The following TENM3 variants were observed in gnomAD, a reference collection of about 807,000 sequenced individuals.
TENM3 encodes teneurin-3.
In TENM3, 63 loss-of-function variants were observed where a neutral mutation model predicts 255.1. The ratio of observed to expected loss-of-function variants is 0.25; its 90% CI spans 0.20 to 0.30. TENM3 has a LOEUF of 0.30. TENM3 is among the 10% of genes least tolerant of loss of function. TENM3 has a pLI of 1.00. For missense variants in TENM3, 2,929 were observed against 3,461.1 expected (o/e 0.85, Z 3.86); for synonymous variants, 1,306 against 1,322.3 (o/e 0.99, Z 0.27).
chr4:181,881,571 G>T, the TENM3 span, among the ~76,000 whole-genome samples: 1 of 152,166 alleles, frequency 6.6e-6, no homozygotes, highest in East Asian at 1.9e-4. Context: ...ATATATTCGA[G>T]ATCTTGAAAT....
the TENM3 span, among the ~76,000 whole-genome samples, chr4:181,927,101 C>G: frequency 2.0e-5 from 3 of 152,174 alleles, no homozygotes; most frequent in African/African-American, 7.2e-5. Flanking sequence ...GGGCAGACAC[C>G]AAGCTAGCTG....
At chr4:181,523,140 C>T in the TENM3 span, 1 of 383,164 alleles carries the variant, frequency 2.6e-6, no homozygotes, top group Non-Finnish European at 5.1e-6. Flanking sequence ...ACTAGTGAAG[C>T]CTGTACTCAA....
intron 3 of TENM3, among the ~76,000 whole-genome samples, chr4:182,420,415 C>T (rs760632961): frequency 8.5e-5 from 13 of 152,196 alleles, no homozygotes; most frequent in Non-Finnish European, 1.8e-4. Context: ...TCAGTCACCA[C>T]ACACACACGA....
the TENM3 span, among the ~76,000 whole-genome samples, chr4:181,974,541 C>A: frequency 6.6e-6 from 1 of 152,070 alleles, no homozygotes; most frequent in African/African-American, 2.4e-5. Context: ...GCACTCCAGC[C>A]TGGGCAACAG....
At chr4:182,107,371 G>A in the TENM3 span, among the ~76,000 whole-genome samples, 8 of 152,178 alleles carry the variant, frequency 5.3e-5, no homozygotes, top group Non-Finnish European at 7.3e-5. Context: ...TTTACGCCCC[G>A]GGTGTCACAT....
the TENM3 span, among the ~76,000 whole-genome samples, chr4:181,698,323 A>G: frequency 6.6e-6 from 1 of 152,178 alleles, no homozygotes; most frequent in Non-Finnish European, 1.5e-5. Flanking sequence ...GCAAAAGACT[A>G]TTAACATCTG....
chr4:181,477,998 A>G, the TENM3 span, among the ~76,000 whole-genome samples: 33 of 152,246 alleles, frequency 2.2e-4, no homozygotes, highest in African/African-American at 7.5e-4. Flanking sequence ...TTGCTTGTGT[A>G]CATGAGAAAT....
chr4:181,544,408 TAAAAAAAAAAAAAA>T, the TENM3 span, among the ~76,000 whole-genome samples: 4 of 68,674 alleles, frequency 5.8e-5, no homozygotes, highest in African/African-American at 1.1e-4. Flanking sequence ...CCTTCAGGAT[TAAAAAAAAAAAAAA>T]AAAAAAAAAA....
At chr4:181,579,250 C>T in the TENM3 span, among the ~76,000 whole-genome samples, 3 of 151,788 alleles carry the variant, frequency 2.0e-5, no homozygotes, top group African/African-American at 7.3e-5. Flanking sequence ...ATCAGGGTGC[C>T]CTCACCCCTC....
At chr4:182,057,104 C>T in the TENM3 span, among the ~76,000 whole-genome samples, 6 of 151,698 alleles carry the variant, frequency 4.0e-5, no homozygotes, top group South Asian at 2.1e-4. Context: ...CACCTGAAAA[C>T]GCTCAGATGC....
chr4:182,799,809 G>A lies in TENM3; in HGVS notation c.7558G>A (p.Asp2520Asn). 2.5e-6 allele frequency: 4 copies of A among 1,608,452 alleles called. No homozygotes were observed. The highest frequency in any genetic ancestry group is 3.4e-6 in the Non-Finnish European group (4 of 1,177,758). Residue 2520 changes from aspartate to asparagine, a missense_variant, in exon 28 of 28, where the codon GAC becomes AAC. Coordinates refer to ENST00000511685, the MANE Select transcript of TENM3 (RefSeq NM_001080477.4). The surrounding 1 kb of genome is among the most constrained non-coding windows in gnomAD (Gnocchi z 4.2). ...CAACGTGCTCAACATCGCCAACGAG[G>A]ACTGCATCAAGGTGGCGGCCGTGCT... ...QTNVLNIANE[D>N]CIKVAAVLNN... is the part of the protein sequence containing the mutation.
chr4:181,852,032 C>G, the TENM3 span, among the ~76,000 whole-genome samples: 2 of 152,160 alleles, frequency 1.3e-5, no homozygotes, highest in East Asian at 1.9e-4. Context: ...TCTTTCTGAC[C>G]AAACCAAAAG....
At chr4:182,348,668 T>TA (rs1316862169) in intron 3 of TENM3, among the ~76,000 whole-genome samples, 3 of 152,196 alleles carry the variant, frequency 2.0e-5, no homozygotes, top group Non-Finnish European at 4.4e-5. Flanking sequence ...CCTTTCTCTC[T>TA]AATAACAAAG....
At chr4:182,239,029 C>A (rs866470606), upstream of TENM3, among the ~76,000 whole-genome samples, 1,776 of 125,428 alleles carry the variant, frequency 0.014, 34 homozygotes, top group African/African-American at 0.049. Context: ...CTTTAAAAAT[C>A]TTTATGTGTG....
intron 3 of TENM3, among the ~76,000 whole-genome samples, chr4:182,510,510 T>A (rs1737287234): frequency 6.6e-6 from 1 of 152,198 alleles, no homozygotes; most frequent in Non-Finnish European, 1.5e-5. Context: ...ATTTTCTAGT[T>A]ATTCCAGTTC....
chr4:181,969,739 A>G, the TENM3 span, among the ~76,000 whole-genome samples: 21 of 152,354 alleles, frequency 1.4e-4, no homozygotes, highest in Non-Finnish European at 1.8e-4. Flanking sequence ...CACCAAACTG[A>G]ATAAGGTGCT....
chr4:182,307,973 G>C (rs1312238860), intron 1 of TENM3, among the ~76,000 whole-genome samples: 2 of 152,246 alleles, frequency 1.3e-5, no homozygotes, highest in Non-Finnish European at 2.9e-5. Context: ...TTTGTGGTCA[G>C]GAAGAGCTTT....
chr4:181,579,933 AATTTT>A, the TENM3 span, among the ~76,000 whole-genome samples: 24,087 of 125,690 alleles, frequency 0.19, 2,680 homozygotes, highest in Non-Finnish European at 0.24. Flanking sequence ...AAGTACCTAC[AATTTT>A]ATTTTATTTT....
At chr4:182,127,697 GGA>G in the TENM3 span, among the ~76,000 whole-genome samples, 1 of 152,158 alleles carries the variant, frequency 6.6e-6, no homozygotes, top group Non-Finnish European at 1.5e-5. Flanking sequence ...CTGTTCTCTT[GGA>G]GCAGAACAAA....
Sources: gnomAD v4.1 joint callset for allele counts (sites outside exome capture counted in the v4.1 genomes callset) on GRCh38, gnomAD v4.1.1 for gene constraint, Gnocchi (gnomAD v3.1) non-coding constraint, MANE v1.5 for transcripts, NCBI Gene and HGNC (gene_info 2026-07-23, HGNC 2026-07-21) for gene names.